The following CXCL17 variants were observed in gnomAD, a reference collection of about 807,000 sequenced individuals.
CXCL17 encodes C-X-C motif chemokine 17.
In CXCL17, 9 loss-of-function variants were observed where a neutral mutation model predicts 15.5. The ratio of observed to expected loss-of-function variants is 0.58; its 90% CI spans 0.35 to 1.01. The LOEUF (loss-of-function observed/expected upper bound fraction) is 1.01. Among genes scored for constraint, CXCL17 ranks in the 50% least tolerant of loss-of-function variants. The pLI is 0.02. For missense variants in CXCL17, 133 were observed against 138.2 expected (o/e 0.96, Z 0.19); for synonymous variants, 52 against 52.3 (o/e 0.99, Z 0.02).
intron 1 of CXCL17, among the ~76,000 whole-genome samples, chr19:42,438,187 T>C (rs923935624): frequency 2.7e-5 from 4 of 150,428 alleles, no homozygotes; most frequent in Non-Finnish European, 5.9e-5. Context: ...TGAAACCCCA[T>C]CTCTACTAAA....
intron 1 of CXCL17, among the ~76,000 whole-genome samples, chr19:42,439,674 A>T (rs567544063): frequency 2.2e-4 from 33 of 152,348 alleles, no homozygotes; most frequent in African/African-American, 7.0e-4. Flanking sequence ...CCAGAGAAGG[A>T]TACATCACTT....
At chr19:42,439,393 G>GAAAC (rs1445518459) in intron 1 of CXCL17, among the ~76,000 whole-genome samples, 5 of 151,496 alleles carry the variant, frequency 3.3e-5, no homozygotes, top group African/African-American at 1.2e-4. Context: ...TTCTTTATAG[G>GAAAC]AAACAATCAT....
intron 3 of CXCL17, among the ~76,000 whole-genome samples, chr19:42,429,883 T>C (rs900142555): frequency 6.6e-6 from 1 of 152,098 alleles, no homozygotes; most frequent in Non-Finnish European, 1.5e-5. Context: ...CTTTAAGAAA[T>C]CTGGCCGGGC....
intron 2 of CXCL17, 24 bp downstream of exon 2, chr19:42,433,752 T>C (rs1433525141): frequency 6.3e-7 from 1 of 1,598,634 alleles, no homozygotes; most frequent in South Asian, 1.1e-5. Context: ...ATGCCATCGC[T>C]GTTGTTGTTG....
rs1022935443 is a variant in CXCL17, at chr19:42,433,637, G to A, written c.160+139C>T. The A allele has an allele frequency of 3.6e-5, 25 of 702,656 alleles. No individual in the cohort carries two copies. In the African/African-American group the frequency reaches 4.3e-4, roughly 12 times the overall value. 43.5% of individuals were successfully genotyped at this position (702,656 alleles called of 1,614,324 possible). On this transcript the variant is annotated intron_variant, in intron 2 of 3. Transcript: ENST00000601181. ...AGAGTCAGGAAGAAAGTGGGCACAG[G>A]TGCTGCATGTGGCAGGCTGTGGAGA...
At position 42,428,826 on chromosome 19, in the gene CXCL17, G is replaced by T. The variant is rs36220990; in HGVS notation, c.*58C>A. 3 of 1,262,852 alleles carry T rather than the reference G, an allele frequency of 2.4e-6. No individual in the cohort carries two copies. The highest frequency in any genetic ancestry group is 3.4e-5 in the Admixed American group (2 of 59,452). The allele number at this position is 1,262,852 out of a possible 1,614,324, so 78.2% of individuals were successfully genotyped here. On this transcript the variant is annotated 3_prime_UTR_variant, in exon 4 of 4. Transcript: ENST00000601181. ...GGGAGAAGAAGAGTGTCTGGTAGGT[G>T]TGCTCACTGTCTTCTTGGCTGAGAA...
chr19:42,429,962 G>A (rs2040760980), intron 3 of CXCL17, among the ~76,000 whole-genome samples: 1 of 152,164 alleles, frequency 6.6e-6, no homozygotes. Context: ...GAGCCCAGGA[G>A]TTAAAGACCA....
chr19:42,435,795 A>C (rs1170564192), intron 1 of CXCL17, among the ~76,000 whole-genome samples: 2 of 149,302 alleles, frequency 1.3e-5, no homozygotes, highest in African/African-American at 4.9e-5. Context: ...ATACCATTGC[A>C]CTCCAGCATG....
intron 1 of CXCL17, among the ~76,000 whole-genome samples, chr19:42,438,354 C>CAAAAAAAAA (rs34157586): frequency 1.1e-4 from 2 of 17,464 alleles, no homozygotes; most frequent in African/African-American, 4.1e-4. Flanking sequence ...GACTCTGTCT[C>CAAAAAAAAA]AAAAAAAAAA....
Position 42,442,939 on chromosome 19 carries a change from T to A in CXCL17, c.-107A>T, listed in dbSNP as rs1001902791. On this transcript the variant is annotated 5_prime_UTR_variant, in exon 1 of 4. Coordinates refer to ENST00000601181, the MANE Select transcript of CXCL17 (RefSeq NM_198477.3). ...ACTCAGGTCAGGATACTCAGCCTGGTGGTCTATGCTTTAGTCCCAGGCCAG... is the reference window on the plus strand; with the variant it reads ...ACTCAGGTCAGGATACTCAGCCTGGAGGTCTATGCTTTAGTCCCAGGCCAG... 1.9e-5 allele frequency: 15 copies of A among 785,012 alleles called. No homozygotes were observed. The highest frequency in any genetic ancestry group is 3.0e-5 in the Non-Finnish European group (14 of 473,098). The allele number at this position is 785,012 out of a possible 1,614,324, so 48.6% of individuals were successfully genotyped here.
At position 42,428,801 on chromosome 19, in the gene CXCL17, G is replaced by T; in HGVS notation, c.*83C>A. 1 of 986,510 alleles carries T rather than the reference G, an allele frequency of 1.0e-6. No individual in the cohort carries two copies. Among genetic ancestry groups the T allele is most frequent in the Non-Finnish European group, 1.6e-6 (1 of 610,504 alleles). The allele number at this position is 986,510 out of a possible 1,614,324, so 61.1% of individuals were successfully genotyped here. A position where few individuals can be genotyped will look rare whatever the true frequency, so the allele number is the denominator to read the frequency against. On this transcript the variant is annotated 3_prime_UTR_variant, in exon 4 of 4. Transcript: ENST00000601181. The stretch of plus-strand genomic sequence containing the variant: ...GGTGGGTACAGTGGGAGAGTGAGGT[G>T]GGAGAAGAAGAGTGTCTGGTAGGTG...
intron 1 of CXCL17, 98 bp from the exon 2 acceptor site, chr19:42,433,954 C>A: frequency 1.2e-6 from 1 of 815,194 alleles, no homozygotes; most frequent in Non-Finnish European, 2.0e-6. Flanking sequence ...TCCATTTTTC[C>A]ATTTTTACTT....
intron 3 of CXCL17, among the ~76,000 whole-genome samples, chr19:42,431,998 T>G (rs1003163418): frequency 9.2e-5 from 14 of 152,272 alleles, no homozygotes; most frequent in African/African-American, 3.1e-4. Flanking sequence ...TTTCCTAAAG[T>G]AAGATTACTA....
chr19:42,435,492 G>T (rs1309429944), intron 1 of CXCL17, among the ~76,000 whole-genome samples: 1 of 152,056 alleles, frequency 6.6e-6, no homozygotes, highest in Non-Finnish European at 1.5e-5. Flanking sequence ...TTAAAATCAG[G>T]CTGTTATGGT....
At chr19:42,442,577 A>T (rs1449004806) in intron 1 of CXCL17, among the ~76,000 whole-genome samples, 177 bp downstream of exon 1, 3 of 152,030 alleles carry the variant, frequency 2.0e-5, no homozygotes, top group African/African-American at 7.2e-5. Flanking sequence ...TAACTCTCTC[A>T]ACATTGTTTG....
chr19:42,432,624 A>G (rs2040794808), intron 3 of CXCL17, among the ~76,000 whole-genome samples: 2 of 152,124 alleles, frequency 1.3e-5, no homozygotes, highest in Non-Finnish European at 2.9e-5. Context: ...ACAAAATAAC[A>G]AACACAAAAC....
chr19:42,438,219 G>A (rs2147701076), intron 1 of CXCL17, among the ~76,000 whole-genome samples: 1 of 150,850 alleles, frequency 6.6e-6, no homozygotes, highest in East Asian at 1.9e-4. Flanking sequence ...TTAGCCAGGT[G>A]TGGTGGCGCA....
chr19:42,432,824 TTCCCGA>T, intron 3 of CXCL17, 146 bp downstream of exon 3: 1 of 649,530 alleles, frequency 1.5e-6, no homozygotes, highest in Non-Finnish European at 2.7e-6. Flanking sequence ...CTCTTCCTAT[TTCCCGA>T]CAAGGTGACA....
intron 3 of CXCL17, 38 bp downstream of exon 3, chr19:42,432,938 G>T: frequency 6.8e-7 from 1 of 1,479,678 alleles, no homozygotes; most frequent in Non-Finnish European, 9.4e-7. Context: ...TTCACGGAGT[G>T]ACTCTGGTAT....
Sources: gnomAD v4.1 joint callset for allele counts (sites outside exome capture counted in the v4.1 genomes callset) on GRCh38, gnomAD v4.1.1 for gene constraint, MANE v1.5 for transcripts, NCBI Gene and HGNC (gene_info 2026-07-23, HGNC 2026-07-21) for gene names.